The following UBE2O variants were observed in gnomAD, a reference collection of about 807,000 sequenced individuals.
The protein encoded by UBE2O is (E3-independent) E2 ubiquitin-conjugating enzyme.
Under a neutral mutation model 125.8 loss-of-function variants are expected in UBE2O, and 15 were observed. The ratio of observed to expected loss-of-function variants is 0.12; its 90% confidence interval spans 0.08 to 0.18. UBE2O has a LOEUF of 0.18. UBE2O is among the 10% of genes least tolerant of loss of function. The pLI is 1.00. For missense variants in UBE2O, 1,280 were observed against 1,723.6 expected (o/e 0.74, Z 4.56); for synonymous variants, 708 against 703.2 (o/e 1.01, Z -0.11).
chr17:76,434,863 T>C (rs984442530), intron 1 of UBE2O, among the ~76,000 whole-genome samples: 2 of 151,698 alleles, frequency 1.3e-5, no homozygotes, highest in African/African-American at 2.4e-5. Context: ...ATACCTCTGT[T>C]ATAGTCCTTC....
Position 76,405,699 on chromosome 17 carries a change from T to A in UBE2O, c.418-127A>T. 2.4e-6 allele frequency: 2 copies of A among 827,574 alleles called. No individual in the cohort carries two copies. The highest frequency in any genetic ancestry group is 1.9e-6 in the Non-Finnish European group (1 of 519,994). 51.3% of individuals were successfully genotyped at this position (827,574 alleles called of 1,614,324 possible). A position where few individuals can be genotyped will look rare whatever the true frequency, so the allele number is the denominator to read the frequency against. ...AGTGCACAAATCCTAAGCGTTTGGC[T>A]AGCAGTATCTTCACAGACCGCACAC... On this transcript the variant is annotated intron_variant, in intron 1 of 17. Transcript: ENST00000319380. This position sits in a 1 kb window ranked among gnomAD's most constrained non-coding sequence, Gnocchi z 6.1.
chr17:76,407,249 T>C (rs1052608618), intron 1 of UBE2O, among the ~76,000 whole-genome samples: 1 of 152,170 alleles, frequency 6.6e-6, no homozygotes, highest in African/African-American at 2.4e-5. Context: ...TGAAGACCCC[T>C]GAAAGGTCAG....
In UBE2O at chr17:76,396,906, C is replaced by A; in HGVS notation, c.2116-85G>T. 1.6e-6 allele frequency: 2 copies of A among 1,244,896 alleles called. No homozygotes were observed. The highest frequency in any genetic ancestry group is 1.1e-6 in the Non-Finnish European group (1 of 900,490). The allele number at this position is 1,244,896 out of a possible 1,614,324, so 77.1% of individuals were successfully genotyped here. On this transcript the variant is annotated intron_variant, in intron 13 of 17. Transcript: ENST00000319380. This position sits in a 1 kb window ranked among gnomAD's most constrained non-coding sequence, Gnocchi z 6.7. ...GGAGGAGCTCTGGGGATCCCTGATC[C>A]GCACAGCTGATGGCGACTGGGCTCA...
At chr17:76,424,408 C>CAA (rs2072768693) in intron 1 of UBE2O, among the ~76,000 whole-genome samples, 1 of 150,492 alleles carries the variant, frequency 6.6e-6, no homozygotes, top group South Asian at 2.1e-4. Context: ...AGGGTTTCAC[C>CAA]ATATTGGCCA....
intron 1 of UBE2O, among the ~76,000 whole-genome samples, chr17:76,418,910 C>T (rs62084966): frequency 1.3e-5 from 2 of 152,084 alleles, no homozygotes; most frequent in Non-Finnish European, 2.9e-5. Context: ...TTGAAAAACA[C>T]GGATTTTTCA....
At chr17:76,442,617 A>G (rs1598622637) in intron 1 of UBE2O, among the ~76,000 whole-genome samples, 1 of 152,286 alleles carries the variant, frequency 6.6e-6, no homozygotes, top group East Asian at 1.9e-4. Context: ...GCATGAGAGG[A>G]AGGGAACGGC....
intron 1 of UBE2O, among the ~76,000 whole-genome samples, chr17:76,442,461 T>C (rs893247907): frequency 3.9e-5 from 6 of 152,124 alleles, no homozygotes; most frequent in Non-Finnish European, 1.5e-5. Context: ...ATACTATTTG[T>C]AGTAAGTGGG....
At chr17:76,438,025 T>TG (rs1453256347) in intron 1 of UBE2O, among the ~76,000 whole-genome samples, 8 of 152,192 alleles carry the variant, frequency 5.3e-5, no homozygotes, top group African/African-American at 1.9e-4. Context: ...CCCACTCCTC[T>TG]GTCCACACTG....
At position 76,410,391 on chromosome 17, in the gene UBE2O, T is replaced by C. The variant is rs2072495239; in HGVS notation, c.418-4819A>G. Among the ~76,000 whole-genome samples, 1 of 151,742 alleles carries C rather than the reference T, an allele frequency of 6.6e-6. No homozygotes were observed. Among genetic ancestry groups the C allele is most frequent in the Non-Finnish European group, 1.5e-5 (1 of 67,940 alleles). ...ATAAAGGGTGGTGGGGGTTCTGGTA[T>C]CTAGTGGGCAGAGGCCAGAATGCTG... is the stretch of plus-strand genomic sequence containing the variant. On this transcript the variant is annotated intron_variant, in intron 1 of 17. Coordinates refer to ENST00000319380, the MANE Select transcript of UBE2O (RefSeq NM_022066.4). This position sits in a 1 kb window ranked among gnomAD's most constrained non-coding sequence, Gnocchi z 4.0.
intron 1 of UBE2O, among the ~76,000 whole-genome samples, chr17:76,414,998 G>A (rs958119492): frequency 2.0e-5 from 3 of 152,228 alleles, no homozygotes; most frequent in African/African-American, 4.8e-5. Flanking sequence ...AGGCAGAAAA[G>A]TGATCAGCAT....
At chr17:76,423,311 C>T (rs1320545395) in intron 1 of UBE2O, among the ~76,000 whole-genome samples, 1 of 151,986 alleles carries the variant, frequency 6.6e-6, no homozygotes, top group Non-Finnish European at 1.5e-5. Context: ...CCCAGGAATT[C>T]GACGCTGCAG....
At chr17:76,441,425 G>A (rs1437410225) in intron 1 of UBE2O, among the ~76,000 whole-genome samples, 2 of 152,210 alleles carry the variant, frequency 1.3e-5, no homozygotes, top group African/African-American at 4.8e-5. Flanking sequence ...CGGATGATGA[G>A]TCCGCCTCAT....
Position 76,395,705 on chromosome 17 carries a change from C to A in UBE2O, c.2946+20G>T, listed in dbSNP as rs1405307701. 1.2e-6 allele frequency: 2 copies of A among 1,610,506 alleles called. No individual in the cohort carries two copies. The highest frequency in any genetic ancestry group is 1.7e-6 in the Non-Finnish European group (2 of 1,178,438). Reference sequence around the variant, plus strand: ...TGCCCACACAGCACATCTGCACCTGCCCATGCCAAGCCTACTTGCCATTCT... The same window carrying A: ...TGCCCACACAGCACATCTGCACCTGACCATGCCAAGCCTACTTGCCATTCT... On this transcript the variant is annotated intron_variant, in intron 15 of 17. Coordinates refer to ENST00000319380, the MANE Select transcript of UBE2O (RefSeq NM_022066.4). The surrounding 1 kb of genome is among the most constrained non-coding windows in gnomAD (Gnocchi z 5.0).
chr17:76,412,987 G>A (rs976220559), intron 1 of UBE2O, among the ~76,000 whole-genome samples: 6 of 152,266 alleles, frequency 3.9e-5, no homozygotes, highest in East Asian at 3.9e-4. Context: ...CAGCCTAGGT[G>A]ACTGGAAGAC....
chr17:76,434,808 A>G (rs1467384883), intron 1 of UBE2O, among the ~76,000 whole-genome samples: 1 of 151,574 alleles, frequency 6.6e-6, no homozygotes, highest in Non-Finnish European at 1.5e-5. Context: ...AAAACAAACA[A>G]AAAAACAACT....
chr17:76,423,261 C>T (rs887965728), intron 1 of UBE2O, among the ~76,000 whole-genome samples: 2 of 152,064 alleles, frequency 1.3e-5, no homozygotes, highest in African/African-American at 4.8e-5. Context: ...CACCTGGAGC[C>T]CCAGCTACTC....
At chr17:76,447,211 C>T (rs2073165620) in intron 1 of UBE2O, among the ~76,000 whole-genome samples, 1 of 152,256 alleles carries the variant, frequency 6.6e-6, no homozygotes, top group African/African-American at 2.4e-5. Context: ...TAGTAATGAT[C>T]TCTGAATCCT....
rs1215867855 is a variant in UBE2O, at chr17:76,410,599, GGTAA to G, written c.418-5031_418-5028del. On this transcript the variant is annotated intron_variant, in intron 1 of 17. Coordinates refer to ENST00000319380, the MANE Select transcript of UBE2O (RefSeq NM_022066.4). The surrounding 1 kb of genome is among the most constrained non-coding windows in gnomAD (Gnocchi z 4.0). Reference sequence around the variant, plus strand: ...ACATCAAGTAGGAAAGCAATCAAATGGTAAGTGAGGGGTCAGGGACAATGCCAGG... The same window carrying G: ...ACATCAAGTAGGAAAGCAATCAAATGGTGAGGGGTCAGGGACAATGCCAGG... Among the ~76,000 whole-genome samples the G allele has an allele frequency of 2.0e-5, 3 of 152,150 alleles. No homozygotes were observed. The highest frequency in any genetic ancestry group is 2.0e-4 in the Admixed American group (3 of 15,276).
chr17:76,421,551 G>A (rs553581660), intron 1 of UBE2O, among the ~76,000 whole-genome samples: 1 of 152,180 alleles, frequency 6.6e-6, no homozygotes, highest in East Asian at 1.9e-4. Flanking sequence ...TTTTAGTAGA[G>A]ATGGGGTTTC....
Sources: gnomAD v4.1 joint callset for allele counts (sites outside exome capture counted in the v4.1 genomes callset) on GRCh38, gnomAD v4.1.1 for gene constraint, Gnocchi (gnomAD v3.1) non-coding constraint, MANE v1.5 for transcripts, NCBI Gene and HGNC (gene_info 2026-07-23, HGNC 2026-07-21) for gene names.